Variants in ATP6AP2 observed in about 807,000 individuals in gnomAD.
The protein encoded by ATP6AP2 is ATPase H+ transporting accessory protein 2.
Under a neutral mutation model 23.4 loss-of-function variants are expected in ATP6AP2, and 1 was observed. The ratio of observed to expected loss-of-function variants is 0.04; its 90% CI spans 0.02 to 0.20. ATP6AP2 has a LOEUF of 0.20. Among genes scored for constraint, ATP6AP2 ranks in the 10% least tolerant of loss-of-function variants. The pLI, the probability that ATP6AP2 is intolerant of heterozygous loss-of-function variation, is 1.00. For missense variants in ATP6AP2, 174 were observed against 271.3 expected (o/e 0.64, Z 2.52); for synonymous variants, 90 against 97.1 (o/e 0.93, Z 0.43).
At chrX:40,604,265 T>C (rs6609076) in intron 8 of ATP6AP2, among the ~76,000 whole-genome samples, 15,363 of 111,451 alleles carry the variant, frequency 0.14, 2,073 homozygotes, top group African/African-American at 0.4. Context: ...TCCGTTTTCA[T>C]ATGGCTATAA....
intron 5 of ATP6AP2, 153 bp downstream of exon 5, chrX:40,597,817 C>CCGGA: frequency 1.8e-6 from 1 of 569,883 alleles, no homozygotes; most frequent in Non-Finnish European, 2.8e-6. Context: ...GGATCACAGG[C>CCGGA]TTGAGCCACT....
intron 8 of ATP6AP2, among the ~76,000 whole-genome samples, chrX:40,602,174 TGGAA>T (rs1377830582): frequency 1.0e-5 from 1 of 99,016 alleles, no homozygotes; most frequent in Non-Finnish European, 1.9e-5. Context: ...CCCAGCTACT[TGGAA>T]GGCTGAGGCA....
chrX:40,590,969 TGC>T, intron 2 of ATP6AP2: 1 of 315,078 alleles, frequency 3.2e-6, no homozygotes. Flanking sequence ...TTTACTTGCT[TGC>T]TTTTTTCCAC....
At chrX:40,586,646 C>T (rs1926479951) in intron 1 of ATP6AP2, among the ~76,000 whole-genome samples, 2 of 112,184 alleles carry the variant, frequency 1.8e-5, no homozygotes, top group Non-Finnish European at 3.8e-5. Context: ...GAGCCAGTTG[C>T]TGGCAAATGT....
intron 1 of ATP6AP2, among the ~76,000 whole-genome samples, chrX:40,584,670 C>A (rs1002192837): frequency 2.7e-5 from 3 of 110,903 alleles, no homozygotes; most frequent in Non-Finnish European, 5.7e-5. Context: ...TTAGTGGAGA[C>A]GGGGTTTCTC....
At chrX:40,594,718 A>G (rs1450652175) in intron 3 of ATP6AP2, among the ~76,000 whole-genome samples, 6 of 112,656 alleles carry the variant, frequency 5.3e-5, no homozygotes, top group Non-Finnish European at 1.1e-4. Context: ...AAGCAAAAAA[A>G]GTCAACAAGA....
chrX:40,604,257 C>T (rs1043088422), intron 8 of ATP6AP2, among the ~76,000 whole-genome samples: 2 of 111,444 alleles, frequency 1.8e-5, no homozygotes, highest in Non-Finnish European at 3.8e-5. Context: ...TGTATAGCTC[C>T]GTTTTCATAT....
In ATP6AP2 at chrX:40,606,669, T is replaced by C. The variant is rs1269988463; in HGVS notation, c.*914T>C. 2 of 112,196 alleles carry C rather than the reference T, an allele frequency of 1.8e-5. No individual in the cohort carries two copies. The highest frequency in any genetic ancestry group is 6.5e-5 in the African/African-American group (2 of 30,835). 9.2% of individuals were successfully genotyped at this position (112,196 alleles called of 1,213,427 possible). On this transcript the variant is annotated 3_prime_UTR_variant, in exon 9 of 9. Transcript: ENST00000636580. ...TCATTGCAGTACTAAATCTATTTTA[T>C]ATTGTAAAAACCTAACAAAACAGGC...
chrX:40,581,182 G>A, intron 1 of ATP6AP2, 80 bp downstream of exon 1: 1 of 967,108 alleles, frequency 1.0e-6, no homozygotes, highest in South Asian at 2.7e-5. Context: ...GGCCGCGGGC[G>A]AGTAGCTGCG....
Position 40,591,333 on chromosome X carries a change from C to G in ATP6AP2, c.268C>G (p.Pro90Ala), listed in dbSNP as rs9014. 0.064 allele frequency: 76,976 copies of G among 1,209,214 alleles called. 2,031 individuals are homozygous for G. Among genetic ancestry groups the G allele is most frequent in the Non-Finnish European group, 0.076 (68,348 of 894,777 alleles). Residue 90 changes from proline (P) to alanine (A), a missense_variant, in exon 3 of 9, where the codon CCA (proline) becomes GCA (alanine). Pro to Ala is a conservative substitution (Grantham distance 27, BLOSUM62 -1). Coordinates refer to ENST00000636580, the MANE Select transcript of ATP6AP2 (RefSeq NM_005765.3). The part of the protein sequence containing the change: ...VKGVNKLALP[P>A]GSVISYPLEN... ...GGGAGTGAACAAACTGGCTCTACCC[C>G]CAGGCAGTGTCATTTCGTACCCTTT... is the stretch of plus-strand genomic sequence containing the variant.
intron 1 of ATP6AP2, among the ~76,000 whole-genome samples, chrX:40,588,389 G>A (rs1444089399): frequency 1.1e-5 from 1 of 87,902 alleles, no homozygotes; most frequent in Non-Finnish European, 2.1e-5. Context: ...TTGCCTATGG[G>A]ACATAAGGAA....
At chrX:40,588,460 CTT>C (rs1926536738) in intron 1 of ATP6AP2, among the ~76,000 whole-genome samples, 1 of 108,417 alleles carries the variant, frequency 9.2e-6, no homozygotes, top group Non-Finnish European at 1.9e-5. Context: ...ATAATAGGAA[CTT>C]TATGAATTTG....
intron 8 of ATP6AP2, chrX:40,603,282 G>T (rs781428169): frequency 9.3e-6 from 1 of 108,076 alleles, no homozygotes; most frequent in African/African-American, 3.4e-5. Context: ...ATTAGATTGT[G>T]GTGATAACTA....
chrX:40,582,038 G>A (rs1926339207), intron 1 of ATP6AP2, among the ~76,000 whole-genome samples: 1 of 112,002 alleles, frequency 8.9e-6, no homozygotes, highest in South Asian at 3.6e-4. Context: ...TGGGAGTGAT[G>A]GGGACTGAGA....
chrX:40,582,403 G>T (rs1926351548), intron 1 of ATP6AP2, among the ~76,000 whole-genome samples: 1 of 112,022 alleles, frequency 8.9e-6, no homozygotes, highest in South Asian at 3.7e-4. Context: ...ACTCCAGCCT[G>T]GGCGATAGAG....
chrX:40,582,058 CAG>C (rs2146535030), intron 1 of ATP6AP2, among the ~76,000 whole-genome samples: 1 of 111,957 alleles, frequency 8.9e-6, no homozygotes, highest in East Asian at 2.8e-4. Context: ...ACTGGAGGCA[CAG>C]ACAGTAGTGA....
rs146546768 is a variant in ATP6AP2, at chrX:40,597,215, A to T, written c.301-34A>T. On this transcript the variant is annotated intron_variant, in intron 3 of 8. Transcript: ENST00000636580. ...ATGATTTTTCTTCCCACTTTGGTTC[A>T]CATAATAATTGCGTTCTTACTCTTA... 1.2e-3 allele frequency: 1,222 copies of T among 1,047,794 alleles called. 12 individuals carry two copies. In the African/African-American group the frequency reaches 0.02, roughly 17 times the overall value. The allele number at this position is 1,047,794 out of a possible 1,213,427, so 86.3% of individuals were successfully genotyped here.
chrX:40,601,454 A>G (rs1389163100), intron 8 of ATP6AP2, among the ~76,000 whole-genome samples: 4 of 111,844 alleles, frequency 3.6e-5, no homozygotes, highest in Non-Finnish European at 7.5e-5. Flanking sequence ...TTTACTTAAC[A>G]GTTTTTTTGG....
chrX:40,588,525 T>A (rs1274509380), intron 1 of ATP6AP2, among the ~76,000 whole-genome samples: 1 of 111,396 alleles, frequency 9.0e-6, no homozygotes, highest in Non-Finnish European at 1.9e-5. Context: ...TCAAGCTTCT[T>A]CCTTTTTAGT....
Sources: allele counts gnomAD v4.1 joint callset (sites outside exome capture counted in the v4.1 genomes callset), GRCh38; gene constraint gnomAD v4.1.1; transcripts MANE v1.5; gene names NCBI Gene and HGNC (gene_info 2026-07-23, HGNC 2026-07-21).